Variants in CFAP52 observed in about 807,000 individuals in gnomAD.
CFAP52 encodes cilia- and flagella-associated protein 52.
A neutral mutation model predicts 70.5 loss-of-function variants in CFAP52; 57 were observed. The observed-to-expected ratio is 0.81, with a 90% confidence interval of 0.65 to 1.01. The LOEUF is 1.01. Ranked by LOEUF, CFAP52 falls within the 50% of genes least tolerant of loss-of-function variation. The probability of loss-of-function intolerance (pLI) is 0.00; values close to 1 mark genes in which losing one functional copy is unlikely to be tolerated. For missense variants in CFAP52, 785 were observed against 788.5 expected (o/e 1.00, Z 0.05); for synonymous variants, 267 against 292.5 (o/e 0.91, Z 0.89).
chr17:9,605,826 T>C (rs1909468038), intron 6 of CFAP52, among the ~76,000 whole-genome samples: 1 of 151,124 alleles, frequency 6.6e-6, no homozygotes, highest in African/African-American at 2.4e-5. Flanking sequence ...TAATGGTAAA[T>C]ATATGTTGCT....
Position 9,584,267 on chromosome 17 carries a change from C to T in CFAP52, c.71-1506C>T, listed in dbSNP as rs775576964. The T allele has an allele frequency of 2.6e-5, 33 of 1,279,464 alleles. 1 individual carries two copies. The South Asian group carries it at 4.1e-4, about 16-fold the overall frequency. 79.3% of individuals were successfully genotyped at this position (1,279,464 alleles called of 1,614,324 possible). ...TACATTCAAGCATACAAACTTTTCT[C>T]TAACATGGAAGCAGTAGTGTTACCT... On this transcript the variant is annotated intron_variant, in intron 1 of 13. Coordinates refer to ENST00000352665, the MANE Select transcript of CFAP52 (RefSeq NM_145054.5).
At chr17:9,589,430 G>A (rs1457746118) in intron 3 of CFAP52, among the ~76,000 whole-genome samples, 3 of 151,992 alleles carry the variant, frequency 2.0e-5, no homozygotes, top group African/African-American at 7.2e-5. Context: ...CCACTTGACT[G>A]TTTCTGATAA....
chr17:9,629,145 T>C (rs74823165), intron 9 of CFAP52, among the ~76,000 whole-genome samples: 2,808 of 152,306 alleles, frequency 0.018, 85 homozygotes, highest in African/African-American at 0.064. Flanking sequence ...CCCTTTTTGT[T>C]GTGTAAGAGA....
chr17:9,609,554 G>A (rs1909637789), intron 7 of CFAP52, among the ~76,000 whole-genome samples: 1 of 152,084 alleles, frequency 6.6e-6, no homozygotes, highest in Non-Finnish European at 1.5e-5. Flanking sequence ...AAATTAGCCA[G>A]ATGTGGTGGC....
rs1030392236 is a variant in CFAP52 at position 9,586,693 on chromosome 17, C to T, written c.271-5C>T. ...TATGATCTGACGGTGTGTTCTTGCC[C>T]CCAGGCAGACATCATTTTGTGGGAT... On this transcript the variant is annotated splice_polypyrimidine_tract_variant and splice_region_variant and intron_variant, in intron 2 of 13. Transcript: ENST00000352665. The T allele has an allele frequency of 1.9e-6, 3 of 1,608,538 alleles. No homozygotes were observed. Among genetic ancestry groups the T allele is most frequent in the Non-Finnish European group, 2.5e-6 (3 of 1,178,048 alleles).
intron 10 of CFAP52, among the ~76,000 whole-genome samples, chr17:9,634,052 T>G (rs1403172483): frequency 6.6e-6 from 1 of 152,196 alleles, no homozygotes; most frequent in East Asian, 1.9e-4. Context: ...TTGACCATTA[T>G]TTTTAAATGA....
At chr17:9,608,616 G>A (rs1174260071) in intron 7 of CFAP52, among the ~76,000 whole-genome samples, 1 of 152,174 alleles carries the variant, frequency 6.6e-6, no homozygotes, top group Non-Finnish European at 1.5e-5. Flanking sequence ...TATGTGCAAA[G>A]CATTGTGTTA....
downstream of CFAP52, chr17:9,643,502 G>A (rs142829796): frequency 9.4e-4 from 219 of 233,256 alleles, no homozygotes; most frequent in African/African-American, 4.3e-3. Context: ...CCTTCCTCAT[G>A]ATCTGTGCAC....
At position 9,576,693 on chromosome 17, in the gene CFAP52, A is replaced by G. The variant is rs1880686074; in HGVS notation, c.-3A>G. 3 of 1,612,002 alleles carry G rather than the reference A, an allele frequency of 1.9e-6. No homozygotes were observed. In the African/African-American group the frequency reaches 4.0e-5, roughly 21 times the overall value. ...AGAGCAAAGTAATCAGAACCTCCCA[A>G]GGATGGATAACAAAATTTCGCCGGA... On this transcript the variant is annotated 5_prime_UTR_variant, in exon 1 of 14. Coordinates refer to ENST00000352665, the MANE Select transcript of CFAP52 (RefSeq NM_145054.5).
At chr17:9,624,853 C>T (rs2151946323) in intron 8 of CFAP52, among the ~76,000 whole-genome samples, 1 of 152,258 alleles carries the variant, frequency 6.6e-6, no homozygotes, top group East Asian at 1.9e-4. Flanking sequence ...TAGTATGCAT[C>T]ATCTGTTATT....
At chr17:9,616,336 TCA>T (rs1909919697) in intron 8 of CFAP52, among the ~76,000 whole-genome samples, 1 of 119,564 alleles carries the variant, frequency 8.4e-6, no homozygotes, top group African/African-American at 3.5e-5. Flanking sequence ...CACACCTGGC[TCA>T]GAGGGTCCTA....
At chr17:9,582,846 A>G (rs930469576) in intron 1 of CFAP52, among the ~76,000 whole-genome samples, 2 of 152,208 alleles carry the variant, frequency 1.3e-5, no homozygotes, top group African/African-American at 4.8e-5. Context: ...CATATTGGCT[A>G]GGCTGGTCTC....
Position 9,635,435 on chromosome 17 carries a change from C to A in CFAP52, c.1351C>A (p.Gln451Lys), listed in dbSNP as rs750210555. The A allele has an allele frequency of 6.2e-7, 1 of 1,614,130 alleles. No individual in the cohort carries two copies. Among genetic ancestry groups the A allele is most frequent in the Non-Finnish European group, 8.5e-7 (1 of 1,180,046 alleles). ...VRVWQIGCQT[Q>K]KLEEALKEHK... ...GGTATGGCAGATAGGCTGTCAGACC[C>A]AGAAGCTGGAGGAGGCCCTGAAGGA... The change falls in exon 11 of 14, where the codon CAG becomes AAG. Residue 451 changes from glutamine to lysine, a missense_variant. Coordinates refer to ENST00000352665, the MANE Select transcript of CFAP52 (RefSeq NM_145054.5).
chr17:9,611,004 T>C lies in CFAP52; in HGVS notation c.855-1305T>C, dbSNP rs1017959898. ...GGAATTATTCTGTGGTTGAGTAAAC[T>C]GAGGCCAGAGGTTTCTGACAACTTG... is the stretch of plus-strand genomic sequence containing the variant. On this transcript the variant is annotated intron_variant, in intron 7 of 13. Transcript: ENST00000352665. Among the ~76,000 whole-genome samples, 5 of 152,358 alleles carry C rather than the reference T, an allele frequency of 3.3e-5. No homozygotes were observed. The East Asian group carries it at 9.6e-4, about 29-fold the overall frequency.
At chr17:9,581,618 G>T (rs1396202034) in intron 1 of CFAP52, among the ~76,000 whole-genome samples, 1 of 152,058 alleles carries the variant, frequency 6.6e-6, no homozygotes, top group Admixed American at 6.6e-5. Flanking sequence ...TGGAGTGTGT[G>T]TGAGTATGTC....
rs1597765318 is a variant in CFAP52, at chr17:9,587,699, CT to C, written c.407+870del. On this transcript the variant is annotated intron_variant, in intron 3 of 13. Transcript: ENST00000352665. The stretch of plus-strand genomic sequence containing the variant: ...GCAAAGTGTTCATGTCCTTTGCCTG[CT>C]TTTTAATGGAGTTTTTGTTTTATCT... 2.0e-5 allele frequency among the ~76,000 whole-genome samples: 3 copies of C among 152,064 alleles called. No individual in the cohort carries two copies. In the East Asian group the frequency reaches 5.8e-4, roughly 29 times the overall value.
intron 8 of CFAP52, among the ~76,000 whole-genome samples, chr17:9,625,423 A>AGCTGGTAAC (rs1567632688): frequency 6.6e-6 from 1 of 150,960 alleles, no homozygotes; most frequent in African/African-American, 2.5e-5. Flanking sequence ...TAGCATTGTT[A>AGCTGGTAAC]GCTAGGGATA....
intron 4 of CFAP52, among the ~76,000 whole-genome samples, chr17:9,596,721 TG>T (rs202173516): frequency 2.4e-4 from 36 of 149,656 alleles, no homozygotes; most frequent in East Asian, 3.9e-4. Flanking sequence ...TGTGTGTGTG[TG>T]TTTTTTTTTT....
At chr17:9,594,115 C>A (rs1356287394) in intron 3 of CFAP52, 78 bp from the exon 4 acceptor site, 13 of 1,497,156 alleles carry the variant, frequency 8.7e-6, no homozygotes, top group Non-Finnish European at 1.2e-5. Flanking sequence ...TTTCTAGAAC[C>A]ACTAAGATGG....
Sources: allele counts gnomAD v4.1 joint callset (sites outside exome capture counted in the v4.1 genomes callset), GRCh38; gene constraint gnomAD v4.1.1; transcripts MANE v1.5; gene names NCBI Gene and HGNC (gene_info 2026-07-23, HGNC 2026-07-21).